The following CDCA7L variants were observed in gnomAD, a reference collection of about 807,000 sequenced individuals.
CDCA7L encodes cell division cycle-associated 7-like protein.
Under a neutral mutation model 57.4 loss-of-function variants are expected in CDCA7L, and 44 were observed. The ratio of observed to expected loss-of-function variants is 0.77; its 90% CI spans 0.60 to 0.98. The LOEUF (loss-of-function observed/expected upper bound fraction) is 0.98, where lower values mean the gene tolerates loss of function less well. Among genes scored for constraint, CDCA7L ranks in the 50% least tolerant of loss-of-function variants. The pLI is 0.00. For missense variants in CDCA7L, 644 were observed against 580.6 expected, an observed-to-expected ratio of 1.11 and a Z score of -1.12; for synonymous variants, 236 against 202.8, an observed-to-expected ratio of 1.16 and a Z score of -1.39.
chr7:21,931,076 C>T (rs1466320309), intron 1 of CDCA7L, among the ~76,000 whole-genome samples: 1 of 152,138 alleles, frequency 6.6e-6, no homozygotes, highest in Non-Finnish European at 1.5e-5. Context: ...CAAGTCTAAA[C>T]TAGGAAGAAG....
rs535457484 is a variant in CDCA7L at position 21,902,967 on chromosome 7, G to GACTT, written c.1334+7_1334+10dup. 164 of 1,612,222 alleles carry GACTT rather than the reference G, an allele frequency of 1.0e-4. 1 individual carries two copies. The East Asian group carries it at 1.5e-3, about 15-fold the overall frequency. On this transcript the variant is annotated intron_variant, in intron 9 of 9. Coordinates refer to ENST00000406877, the MANE Select transcript of CDCA7L (RefSeq NM_018719.5). ...TCAAGCTGTTTTGTAAGCTGCTAGA[G>GACTT]ACTTACTTACCTCTCCAGATATTCC...
Position 21,905,600 on chromosome 7 carries a change from C to A in CDCA7L, c.953G>T (p.Arg318Leu). Residue 318 changes from arginine to leucine, a missense_variant, in exon 7 of 10, where the codon CGT becomes CTT. Arg to Leu is a moderately radical substitution (Grantham distance 102). Coordinates refer to ENST00000406877, the MANE Select transcript of CDCA7L (RefSeq NM_018719.5). ...CTCCACTGGCCGAAAAGAAGATATA[C>A]GGTGACGTCGTCTGTACTCCCGGCA... ...GKCREYRRRH[R>L]ISSFRPVEDI... 1.2e-6 allele frequency: 2 copies of A among 1,613,916 alleles called. No homozygotes were observed. The highest frequency in any genetic ancestry group is 8.5e-7 in the Non-Finnish European group (1 of 1,179,986).
intron 1 of CDCA7L, among the ~76,000 whole-genome samples, chr7:21,931,823 G>C (rs903569407): frequency 2.6e-5 from 4 of 152,200 alleles, no homozygotes; most frequent in Admixed American, 6.5e-5. Flanking sequence ...AATCTGGCAA[G>C]AGAAAGAAAT....
intron 3 of CDCA7L, among the ~76,000 whole-genome samples, chr7:21,909,770 G>A (rs1399962504): frequency 1.3e-5 from 2 of 152,098 alleles, no homozygotes; most frequent in African/African-American, 2.4e-5. Context: ...TACCAGATGT[G>A]GAACAGCTCA....
chr7:21,920,491 G>T (rs980018400), intron 1 of CDCA7L, among the ~76,000 whole-genome samples: 17 of 152,186 alleles, frequency 1.1e-4, no homozygotes, highest in African/African-American at 4.1e-4. Flanking sequence ...CATAAATACA[G>T]AAATGGGATA....
At position 21,916,737 on chromosome 7, in the gene CDCA7L, G is replaced by C. The variant is rs1785494057; in HGVS notation, c.165+17C>G. 1 of 1,611,906 alleles carries C rather than the reference G, an allele frequency of 6.2e-7. No homozygotes were observed. The highest frequency in any genetic ancestry group is 1.1e-5 in the South Asian group (1 of 90,928). On this transcript the variant is annotated intron_variant, in intron 2 of 9. Coordinates refer to ENST00000406877, the MANE Select transcript of CDCA7L (RefSeq NM_018719.5). ...GCCTCCAGATGAACACATCTGCTTG[G>C]AAGGAATCATCCATACCTGTTTCCC...
chr7:21,910,300 C>G (rs1190006978), intron 3 of CDCA7L, among the ~76,000 whole-genome samples: 1 of 152,174 alleles, frequency 6.6e-6, no homozygotes, highest in East Asian at 1.9e-4. Context: ...ACTGATGGAA[C>G]TGCCACACAA....
chr7:21,925,059 G>A (rs1785779991), intron 1 of CDCA7L, among the ~76,000 whole-genome samples: 1 of 152,102 alleles, frequency 6.6e-6, no homozygotes, highest in Admixed American at 6.5e-5. Context: ...ACAGTTTAAA[G>A]CTTGCTACTT....
At chr7:21,939,770 C>T (rs1786283371) in intron 1 of CDCA7L, among the ~76,000 whole-genome samples, 1 of 152,048 alleles carries the variant, frequency 6.6e-6, no homozygotes, top group South Asian at 2.1e-4. Context: ...TTCCCCTCAC[C>T]CTCATCACTC....
intron 7 of CDCA7L, among the ~76,000 whole-genome samples, chr7:21,904,639 A>C (rs1166520373): frequency 6.6e-6 from 1 of 152,208 alleles, no homozygotes; most frequent in East Asian, 1.9e-4. Context: ...CTAATGCCCG[A>C]TGATCTGAGG....
chr7:21,912,958 C>A (rs1011673887), intron 2 of CDCA7L, among the ~76,000 whole-genome samples: 1 of 152,164 alleles, frequency 6.6e-6, no homozygotes. Flanking sequence ...GGGAGACCCA[C>A]GAGACCAGCC....
chr7:21,915,004 C>G (rs1170500895), intron 2 of CDCA7L, among the ~76,000 whole-genome samples: 5 of 152,174 alleles, frequency 3.3e-5, no homozygotes, highest in Admixed American at 3.3e-4. Context: ...ACAGGCTCTG[C>G]TCTCCCCACC....
chr7:21,939,963 CAAAAAA>C (rs3062638), intron 1 of CDCA7L, among the ~76,000 whole-genome samples: 6 of 115,794 alleles, frequency 5.2e-5, no homozygotes, highest in African/African-American at 6.6e-5. Flanking sequence ...AGCTTCAAAC[CAAAAAA>C]AAAAAAAAAA....
intron 2 of CDCA7L, among the ~76,000 whole-genome samples, chr7:21,915,779 G>T (rs1182837999): frequency 6.6e-6 from 1 of 151,944 alleles, no homozygotes; most frequent in Non-Finnish European, 1.5e-5. Flanking sequence ...AGTGAGCCAA[G>T]ATCATGCCAC....
At chr7:21,934,171 A>G (rs1485513891) in intron 1 of CDCA7L, among the ~76,000 whole-genome samples, 1 of 152,190 alleles carries the variant, frequency 6.6e-6, no homozygotes, top group Non-Finnish European at 1.5e-5. Flanking sequence ...ATTATTGTAA[A>G]TTTGGCTTAT....
chr7:21,900,990 CTG>C lies in CDCA7L; in HGVS notation c.*1330_*1331del, dbSNP rs778005196. 24 of 1,563,648 alleles carry C rather than the reference CTG, an allele frequency of 1.5e-5. 1 individual carries two copies. The highest frequency in any genetic ancestry group is 1.8e-5 in the Non-Finnish European group (21 of 1,155,420). ...GCAAGCTGCCACACAATTGCAACCGCTGTGTTTTTGCCATAGGCGCCCGCTGG... is the reference window on the plus strand; with the variant it reads ...GCAAGCTGCCACACAATTGCAACCGCTGTTTTTGCCATAGGCGCCCGCTGG... On this transcript the variant is annotated 3_prime_UTR_variant, in exon 10 of 10. Coordinates refer to ENST00000406877, the MANE Select transcript of CDCA7L (RefSeq NM_018719.5).
chr7:21,920,387 C>A (rs986080594), intron 1 of CDCA7L, among the ~76,000 whole-genome samples: 1 of 152,202 alleles, frequency 6.6e-6, no homozygotes, highest in African/African-American at 2.4e-5. Flanking sequence ...ATTTAGGAAA[C>A]TGGTAATCCT....
chr7:21,914,553 C>G (rs368894646), intron 2 of CDCA7L, among the ~76,000 whole-genome samples: 1 of 152,132 alleles, frequency 6.6e-6, no homozygotes, highest in Non-Finnish European at 1.5e-5. Context: ...TAGGCAGGAA[C>G]AGCATGGACC....
chr7:21,940,026 C>T (rs1401155587), intron 1 of CDCA7L, among the ~76,000 whole-genome samples: 1 of 151,016 alleles, frequency 6.6e-6, no homozygotes, highest in African/African-American at 2.4e-5. Context: ...CACAGGCCAG[C>T]CCAAGGCTCT....
Sources: allele counts gnomAD v4.1 joint callset (sites outside exome capture counted in the v4.1 genomes callset), GRCh38; gene constraint gnomAD v4.1.1; transcripts MANE v1.5; gene names NCBI Gene and HGNC (gene_info 2026-07-23, HGNC 2026-07-21).